CSTPP1: variants seen among roughly 807,000 people sequenced by gnomAD.
The protein encoded by CSTPP1 is UPF0705 protein C11orf49.
chr11:47,098,257 G>C, the CSTPP1 span, among the ~76,000 whole-genome samples: 1 of 141,300 alleles, frequency 7.1e-6, no homozygotes. Flanking sequence ...ATTGTCCCAT[G>C]ACCCTGCCAA....
chr11:47,158,752 T>A, the CSTPP1 span, among the ~76,000 whole-genome samples: 1 of 152,142 alleles, frequency 6.6e-6, no homozygotes, highest in Non-Finnish European at 1.5e-5. Flanking sequence ...CCAGGCTGGT[T>A]TCAAACTCCT....
chr11:47,138,377 G>A, the CSTPP1 span, among the ~76,000 whole-genome samples: 4 of 152,290 alleles, frequency 2.6e-5, no homozygotes, highest in Admixed American at 2.0e-4. Flanking sequence ...ATTACAATTC[G>A]GGTTGAGATT....
At chr11:46,982,424 T>G in the CSTPP1 span, among the ~76,000 whole-genome samples, 1 of 152,104 alleles carries the variant, frequency 6.6e-6, no homozygotes, top group African/African-American at 2.4e-5. Context: ...TTAGTTATTC[T>G]ATTATTGGGA....
the CSTPP1 span, among the ~76,000 whole-genome samples, chr11:47,022,388 G>A: frequency 6.4e-5 from 4 of 62,496 alleles, no homozygotes; most frequent in Admixed American, 2.6e-4. Flanking sequence ...TTTTTTTTTG[G>A]AGACAGAGTC....
chr11:47,025,325 A>T, the CSTPP1 span, among the ~76,000 whole-genome samples: 2 of 152,330 alleles, frequency 1.3e-5, no homozygotes, highest in East Asian at 3.9e-4. Context: ...TATATAGGAC[A>T]TGTTGAGATG....
the CSTPP1 span, chr11:47,161,946 C>G: frequency 9.1e-7 from 1 of 1,103,154 alleles, no homozygotes; most frequent in Non-Finnish European, 1.1e-6. Flanking sequence ...TAAGAGCAGT[C>G]TCTTCTGAGC....
the CSTPP1 span, chr11:46,948,034 G>T: frequency 2.2e-6 from 1 of 456,182 alleles, no homozygotes; most frequent in African/African-American, 2.0e-5. Context: ...AGGCATGCTT[G>T]AAACAATAAC....
the CSTPP1 span, among the ~76,000 whole-genome samples, chr11:47,073,302 T>C: frequency 2.0e-5 from 3 of 152,172 alleles, no homozygotes; most frequent in African/African-American, 7.2e-5. Flanking sequence ...TGGGATCCTA[T>C]AGAATGTAAT....
At chr11:47,108,761 C>T in the CSTPP1 span, among the ~76,000 whole-genome samples, 38 of 137,662 alleles carry the variant, frequency 2.8e-4, no homozygotes, top group South Asian at 8.7e-3. Flanking sequence ...GGCTGGAGTA[C>T]AGTGGCACAA....
At chr11:47,062,825 A>T in the CSTPP1 span, among the ~76,000 whole-genome samples, 1 of 152,224 alleles carries the variant, frequency 6.6e-6, no homozygotes, top group Non-Finnish European at 1.5e-5. Flanking sequence ...AATGTTTCAC[A>T]TAAAAGTCTC....
the CSTPP1 span, chr11:47,157,950 C>T: frequency 3.8e-6 from 6 of 1,585,926 alleles, no homozygotes; most frequent in South Asian, 6.6e-5. Flanking sequence ...AGCCGTCAGC[C>T]TCTCCTGCCG....
chr11:47,018,053 T>C, the CSTPP1 span, among the ~76,000 whole-genome samples: 2 of 152,210 alleles, frequency 1.3e-5, no homozygotes, highest in South Asian at 4.1e-4. Flanking sequence ...GGTTGTGGCA[T>C]GTGTCAGTAC....
chr11:47,014,894 G>A, the CSTPP1 span, among the ~76,000 whole-genome samples: 3 of 152,022 alleles, frequency 2.0e-5, no homozygotes. Flanking sequence ...ATAGATACCA[G>A]AAAAACAGTA....
At chr11:46,948,049 T>C in the CSTPP1 span, 945 of 456,240 alleles carry the variant, frequency 2.1e-3, 3 homozygotes, top group African/African-American at 0.017. Context: ...AATAACACTT[T>C]TGAATGTAAG....
At chr11:47,102,530 A>AT in the CSTPP1 span, among the ~76,000 whole-genome samples, 1 of 152,192 alleles carries the variant, frequency 6.6e-6, no homozygotes, top group Non-Finnish European at 1.5e-5. Flanking sequence ...ACCCTTAAAA[A>AT]ATATATAGAT....
the CSTPP1 span, among the ~76,000 whole-genome samples, chr11:46,940,409 T>G: frequency 6.6e-6 from 1 of 152,182 alleles, no homozygotes; most frequent in East Asian, 1.9e-4. Flanking sequence ...GCATATGCAT[T>G]GAAGTACTTA....
At chr11:46,989,572 A>G in the CSTPP1 span, among the ~76,000 whole-genome samples, 28 of 152,332 alleles carry the variant, frequency 1.8e-4, no homozygotes, top group African/African-American at 6.3e-4. Flanking sequence ...AAGTGTTGGG[A>G]TTGTAGGCAT....
chr11:47,163,948 A>T, the CSTPP1 span: 1 of 946,518 alleles, frequency 1.1e-6, no homozygotes, highest in Non-Finnish European at 1.5e-6. Context: ...ACCCGGCGTT[A>T]AATATTTCTT....
chr11:46,990,566 A>AT, the CSTPP1 span, among the ~76,000 whole-genome samples: 2 of 151,924 alleles, frequency 1.3e-5, no homozygotes, highest in Non-Finnish European at 2.9e-5. Context: ...GTTTGTGAAT[A>AT]TTTTTTCCCA....
Sources: gnomAD v4.1 joint callset for allele counts (sites outside exome capture counted in the v4.1 genomes callset) on GRCh38, gnomAD v4.1.1 for gene constraint, MANE v1.5 for transcripts, NCBI Gene and HGNC (gene_info 2026-07-23, HGNC 2026-07-21) for gene names.